MRTFB: variants seen among roughly 807,000 people sequenced by gnomAD.
MRTFB encodes the protein myocardin related transcription factor B, also known as myocardin-related transcription factor B.
A neutral mutation model predicts 104.2 loss-of-function variants in MRTFB; 29 were observed. That is an observed-to-expected ratio of 0.28 (90% CI 0.21 to 0.38). The LOEUF (loss-of-function observed/expected upper bound fraction) is 0.38, where lower values mean the gene tolerates loss of function less well. Ranked by LOEUF, MRTFB falls within the 10% of genes least tolerant of loss-of-function variation. The probability of loss-of-function intolerance (pLI) is 1.00; values close to 1 mark genes in which losing one functional copy is unlikely to be tolerated. For synonymous variants in MRTFB, 535 were observed against 519.5 expected (o/e 1.03, Z -0.41); for missense variants, 1,270 against 1,341.6 (o/e 0.95, Z 0.83).
chr16:14,053,690 A>G, the MRTFB span, among the ~76,000 whole-genome samples: 1 of 151,142 alleles, frequency 6.6e-6, no homozygotes, highest in Non-Finnish European at 1.5e-5. Flanking sequence ...AGACTGCACC[A>G]CTGCACTCCA....
chr16:14,036,307 TA>T, the MRTFB span, among the ~76,000 whole-genome samples: 1 of 129,944 alleles, frequency 7.7e-6, no homozygotes, highest in Admixed American at 8.9e-5. Context: ...TATATATATA[TA>T]TATATATATA....
chr16:14,135,458 T>A (rs1190767649), intron 2 of MRTFB, among the ~76,000 whole-genome samples: 1 of 152,154 alleles, frequency 6.6e-6, no homozygotes, highest in African/African-American at 2.4e-5. Context: ...GCCGTACAGG[T>A]TTTTGTAGCC....
chr16:14,228,953 A>G (rs12598548), intron 8 of MRTFB, among the ~76,000 whole-genome samples: 116,809 of 151,766 alleles, frequency 0.77, 48,492 homozygotes, highest in Non-Finnish European at 0.93. Context: ...TAATGGGTAT[A>G]GTGTATTGCT....
intron 3 of MRTFB, among the ~76,000 whole-genome samples, chr16:14,182,730 G>A (rs750533259): frequency 7.2e-5 from 11 of 152,056 alleles, no homozygotes; most frequent in South Asian, 4.2e-4. Context: ...ATCTTGTGCC[G>A]GGAAGTAAGA....
At chr16:14,003,091 C>T in the MRTFB span, among the ~76,000 whole-genome samples, 1 of 151,998 alleles carries the variant, frequency 6.6e-6, no homozygotes, top group Non-Finnish European at 1.5e-5. Context: ...CAAAGATGGT[C>T]CCCCTTGAGC....
chr16:14,200,218 T>A (rs2040621911), intron 3 of MRTFB: 5 of 1,215,732 alleles, frequency 4.1e-6, no homozygotes, highest in Non-Finnish European at 5.7e-6. Flanking sequence ...GCAAAAAACC[T>A]GGTAGCTTAA....
At chr16:14,243,898 C>T (rs1339591867) in intron 10 of MRTFB, among the ~76,000 whole-genome samples, 2 of 114,636 alleles carry the variant, frequency 1.7e-5, no homozygotes, top group African/African-American at 1.2e-4. Context: ...CTCACTCTGT[C>T]GCCCAGGCTG....
At chr16:14,085,267 C>G (rs1012646655) in intron 2 of MRTFB, among the ~76,000 whole-genome samples, 1 of 151,592 alleles carries the variant, frequency 6.6e-6, no homozygotes, top group East Asian at 1.9e-4. Context: ...ACCAGCCTGG[C>G]CAACATGGTG....
In MRTFB at chr16:14,118,752, CACACACAT is replaced by C. The variant is rs1453668503; in HGVS notation, c.-63-21790_-63-21783del. On this transcript the variant is annotated intron_variant, in intron 2 of 16. Coordinates refer to ENST00000571589, the MANE Select transcript of MRTFB (RefSeq NM_001308142.2). Reference sequence around the variant, plus strand: ...ATATATATACACACATATATATACACACACACATATATATATAAACTATATATTGTTTG... The same window carrying C: ...ATATATATACACACATATATATACACATATATATAAACTATATATTGTTTG... 2.8e-4 allele frequency among the ~76,000 whole-genome samples: 42 copies of C among 151,616 alleles called. 1 individual carries two copies. Among genetic ancestry groups the C allele is most frequent in the African/African-American group, 1.0e-3 (42 of 41,346 alleles).
intron 2 of MRTFB, among the ~76,000 whole-genome samples, chr16:14,103,330 A>T (rs2035795505): frequency 6.6e-6 from 1 of 152,204 alleles, no homozygotes; most frequent in Admixed American, 6.5e-5. Flanking sequence ...AGTTCAGCGA[A>T]TAAAGTTCAG....
At chr16:14,070,286 C>T (rs2033610250), upstream of MRTFB, among the ~76,000 whole-genome samples, 1 of 152,254 alleles carries the variant, frequency 6.6e-6, no homozygotes, top group African/African-American at 2.4e-5. Flanking sequence ...AGGCTACTTT[C>T]TCCACCTCCA....
intron 2 of MRTFB, among the ~76,000 whole-genome samples, chr16:14,119,873 A>G (rs1015779295): frequency 6.6e-6 from 1 of 152,206 alleles, no homozygotes; most frequent in South Asian, 2.1e-4. Flanking sequence ...GCTGACGTGT[A>G]GGGTCCTACA....
intron 2 of MRTFB, among the ~76,000 whole-genome samples, chr16:14,102,610 T>C (rs1329392460): frequency 1.3e-5 from 2 of 152,240 alleles, no homozygotes; most frequent in East Asian, 1.9e-4. Flanking sequence ...CTTACAGATA[T>C]TATTTATTCT....
chr16:14,009,457 A>G, the MRTFB span: 21 of 152,230 alleles, frequency 1.4e-4, no homozygotes, highest in African/African-American at 4.6e-4. Context: ...ACAACTGTCA[A>G]ACAGAGACAG....
At chr16:14,249,505 C>T (rs1381451235) in intron 13 of MRTFB, among the ~76,000 whole-genome samples, 1 of 152,178 alleles carries the variant, frequency 6.6e-6, no homozygotes, top group Non-Finnish European at 1.5e-5. Context: ...TCTTGAAATA[C>T]ATTTGTAAGA....
At chr16:14,110,444 A>G (rs1398989983) in intron 2 of MRTFB, among the ~76,000 whole-genome samples, 1 of 152,174 alleles carries the variant, frequency 6.6e-6, no homozygotes, top group African/African-American at 2.4e-5. Flanking sequence ...GTCAGCAACT[A>G]GTTTTGTGAC....
intron 3 of MRTFB, among the ~76,000 whole-genome samples, chr16:14,162,949 C>T (rs13336480): frequency 0.23 from 35,653 of 152,022 alleles, 7,909 homozygotes; most frequent in African/African-American, 0.57. Context: ...AGGTTTTTTT[C>T]CTTCTGCTTC....
intron 12 of MRTFB, chr16:14,247,709 T>C (rs536013051): frequency 1.7e-6 from 1 of 586,500 alleles, no homozygotes; most frequent in African/African-American, 1.9e-5. Flanking sequence ...CACAGGATGC[T>C]TTTCTAGTCC....
At chr16:14,106,228 G>A (rs749372557) in intron 2 of MRTFB, among the ~76,000 whole-genome samples, 1 of 152,124 alleles carries the variant, frequency 6.6e-6, no homozygotes, top group Non-Finnish European at 1.5e-5. Context: ...AGATAGAATG[G>A]CAGTGAGTGC....
Sources: allele counts gnomAD v4.1 joint callset (sites outside exome capture counted in the v4.1 genomes callset), GRCh38; gene constraint gnomAD v4.1.1; transcripts MANE v1.5; gene names NCBI Gene and HGNC (gene_info 2026-07-23, HGNC 2026-07-21).